The following DRC9 variants were observed in gnomAD, a reference collection of about 807,000 sequenced individuals.
DRC9 encodes the protein dynein regulatory complex protein 9.
chr3:197,912,956 C>A, the DRC9 span: 1 of 558,128 alleles, frequency 1.8e-6, no homozygotes, highest in South Asian at 2.0e-5. Context: ...CCTAACGAGA[C>A]GAGCACAATC....
At chr3:197,947,489 G>A in the DRC9 span, among the ~76,000 whole-genome samples, 1 of 152,154 alleles carries the variant, frequency 6.6e-6, no homozygotes, top group African/African-American at 2.4e-5. Context: ...TCCAGCCACA[G>A]TGGGCTTCTT....
the DRC9 span, among the ~76,000 whole-genome samples, chr3:197,917,053 C>A: frequency 6.6e-6 from 1 of 152,194 alleles, no homozygotes; most frequent in Non-Finnish European, 1.5e-5. Flanking sequence ...GGGTGGCTCA[C>A]GCCTGTAATT....
the DRC9 span, chr3:197,943,950 A>T: frequency 6.2e-7 from 1 of 1,614,086 alleles, no homozygotes; most frequent in African/African-American, 1.3e-5. Flanking sequence ...TTCTTTAGGT[A>T]TTCCTTCTTC....
At chr3:197,898,409 C>G in the DRC9 span, among the ~76,000 whole-genome samples, 5 of 152,184 alleles carry the variant, frequency 3.3e-5, no homozygotes, top group South Asian at 1.0e-3. Context: ...ATGAATTGAA[C>G]ATTTAGGAAA....
chr3:197,958,560 T>C, the DRC9 span: 6 of 152,138 alleles, frequency 3.9e-5, no homozygotes, highest in African/African-American at 1.4e-4. Context: ...TGAAGACAGA[T>C]GGGTATTTCA....
the DRC9 span, among the ~76,000 whole-genome samples, chr3:197,898,145 G>A: frequency 9.9e-5 from 15 of 151,940 alleles, no homozygotes; most frequent in Non-Finnish European, 1.9e-4. Context: ...AGAACCTCCA[G>A]TGACGGGGCT....
chr3:197,952,162 GTTTTTT>G, the DRC9 span, among the ~76,000 whole-genome samples: 1 of 83,860 alleles, frequency 1.2e-5, no homozygotes, highest in African/African-American at 5.2e-5. Context: ...AAAATTATGG[GTTTTTT>G]TTTTTTTTTT....
the DRC9 span, chr3:197,951,330 T>A: frequency 1.2e-6 from 2 of 1,613,516 alleles, no homozygotes; most frequent in Non-Finnish European, 1.7e-6. Context: ...ATGACACTGG[T>A]AGGTTTTGGG....
the DRC9 span, chr3:197,926,036 T>C: frequency 1.9e-6 from 3 of 1,579,164 alleles, no homozygotes; most frequent in Non-Finnish European, 8.7e-7. Context: ...GGACTTCAAA[T>C]TGCCATTCCT....
the DRC9 span, chr3:197,943,895 T>C: frequency 6.2e-7 from 1 of 1,614,182 alleles, no homozygotes. Flanking sequence ...GAAGGGACAG[T>C]GGCTCTAGAG....
chr3:197,948,256 C>A, the DRC9 span, among the ~76,000 whole-genome samples: 1 of 152,302 alleles, frequency 6.6e-6, no homozygotes, highest in East Asian at 1.9e-4. Flanking sequence ...AAAAAGTATT[C>A]TTATCATGCT....
chr3:197,891,152 T>C, the DRC9 span, among the ~76,000 whole-genome samples: 4 of 152,244 alleles, frequency 2.6e-5, no homozygotes, highest in African/African-American at 9.6e-5. Context: ...TGTCAAGAGC[T>C]GGTTTTGGTT....
the DRC9 span, among the ~76,000 whole-genome samples, chr3:197,919,129 G>A: frequency 3.3e-5 from 5 of 152,148 alleles, no homozygotes; most frequent in South Asian, 2.1e-4. Flanking sequence ...TTATAAGGAC[G>A]TACAACATTG....
chr3:197,954,029 C>A, the DRC9 span: 1 of 1,613,478 alleles, frequency 6.2e-7, no homozygotes, highest in East Asian at 2.2e-5. Context: ...GGCGGCAAAC[C>A]AAACAAAACC....
the DRC9 span, among the ~76,000 whole-genome samples, chr3:197,936,079 AC>A: frequency 1.3e-5 from 2 of 151,808 alleles, no homozygotes; most frequent in Admixed American, 6.6e-5. Flanking sequence ...CAGGAGAATC[AC>A]TTGAACTCAG....
chr3:197,942,256 C>CT, the DRC9 span, among the ~76,000 whole-genome samples: 4,002 of 151,830 alleles, frequency 0.026, 220 homozygotes, highest in African/African-American at 0.093. Flanking sequence ...TTAATGAAAG[C>CT]TTTAAGAACC....
At chr3:197,937,876 A>G in the DRC9 span, among the ~76,000 whole-genome samples, 11 of 152,180 alleles carry the variant, frequency 7.2e-5, no homozygotes, top group Non-Finnish European at 1.2e-4. Context: ...GCAGTGCTCT[A>G]TGATCTCTCC....
chr3:197,943,677 G>A, the DRC9 span: 1 of 1,047,684 alleles, frequency 9.5e-7, no homozygotes, highest in Non-Finnish European at 1.4e-6. Flanking sequence ...AAGAGAGAGA[G>A]AGAAAGAAAG....
the DRC9 span, among the ~76,000 whole-genome samples, chr3:197,896,044 TAAA>T: frequency 1.8e-5 from 2 of 112,056 alleles, no homozygotes; most frequent in Non-Finnish European, 3.8e-5. Context: ...AATGAAAAGT[TAAA>T]AAAAAAAAAA....
Sources: gnomAD v4.1 joint callset for allele counts (sites outside exome capture counted in the v4.1 genomes callset) on GRCh38, gnomAD v4.1.1 for gene constraint, MANE v1.5 for transcripts, NCBI Gene and HGNC (gene_info 2026-07-23, HGNC 2026-07-21) for gene names.